Variants in PLG observed in about 807,000 individuals in gnomAD.
The protein encoded by PLG is plasminogen, also known as plasmin.
In PLG, 41 loss-of-function variants were observed where a neutral mutation model predicts 104.4. The ratio of observed to expected loss-of-function variants is 0.39; its 90% confidence interval spans 0.31 to 0.51. The LOEUF (loss-of-function observed/expected upper bound fraction) is 0.51, where lower values mean the gene tolerates loss of function less well. Among genes scored for constraint, PLG ranks in the 20% least tolerant of loss-of-function variants. The pLI is 0.76. For missense variants in PLG, 891 were observed against 1,003.6 expected (o/e 0.89, Z 1.52); for synonymous variants, 337 against 357.1 (o/e 0.94, Z 0.63).
rs971099324 is a variant in PLG, at chr6:160,740,314, C to G, written c.2019-997C>G. ...TGCTCCCCAGTGTCCTCCCCGCCAT[C>G]CCAGCAAATGTGCAAATAGAAGGTC... On this transcript the variant is annotated intron_variant, in intron 16 of 18. Transcript: ENST00000308192. This position sits in a 1 kb window ranked among gnomAD's most constrained non-coding sequence, Gnocchi z 5.2. Among the ~76,000 whole-genome samples the G allele has an allele frequency of 1.1e-4, 16 of 152,218 alleles. No individual in the cohort carries two copies.
In PLG at chr6:160,719,120, G is replaced by A. The variant is rs771534067; in HGVS notation, c.1096+282G>A. 8.5e-5 allele frequency among the ~76,000 whole-genome samples: 13 copies of A among 152,078 alleles called. No individual in the cohort carries two copies. The highest frequency in any genetic ancestry group is 1.6e-4 in the Non-Finnish European group (11 of 68,002). ...GGTCATTTAGGTGAAGTTGGTTGCT[G>A]GTGTTCTTCTGTATCCTTACTGATT... On this transcript the variant is annotated intron_variant, in intron 9 of 18. Transcript: ENST00000308192. The surrounding 1 kb of genome is among the most constrained non-coding windows in gnomAD (Gnocchi z 4.1).
At chr6:160,718,155 G>A (rs1247252121) in intron 7 of PLG, 139 bp from the exon 8 acceptor site, 3 of 730,276 alleles carry the variant, frequency 4.1e-6, no homozygotes, top group Non-Finnish European at 7.3e-6. Flanking sequence ...GGGAGGCTGA[G>A]GCAGGAGAAT....
At chr6:160,729,426 C>T (rs866249847) in intron 10 of PLG, among the ~76,000 whole-genome samples, 10 of 152,252 alleles carry the variant, frequency 6.6e-5, no homozygotes, top group Middle Eastern at 6.8e-3. Flanking sequence ...AAGAGATCTA[C>T]AAGAATATTC....
chr6:160,753,049 G>A lies in PLG; in HGVS notation c.2421G>A (p.Met807Ile), dbSNP rs1160237733. 6.3e-7 allele frequency: 1 copy of A among 1,583,140 alleles called. No homozygotes were observed. The highest frequency in any genetic ancestry group is 8.7e-7 in the Non-Finnish European group (1 of 1,153,786). Residue 807 changes from methionine (M) to isoleucine (I), a missense_variant, in exon 19 of 19, where the codon ATG becomes ATA. Transcript: ENST00000308192. The surrounding 1 kb of genome is among the most constrained non-coding windows in gnomAD (Gnocchi z 5.4). The part of the protein sequence containing the change: ...SRFVTWIEGV[M>I]RNN ...TTGTTACTTGGATTGAGGGAGTGATGAGAAATAATTAATTGGACGGGAGAC... is the reference window on the plus strand; with the variant it reads ...TTGTTACTTGGATTGAGGGAGTGATAAGAAATAATTAATTGGACGGGAGAC...
chr6:160,718,478 T>G (rs1163918580), intron 8 of PLG, 22 bp downstream of exon 8: 1 of 1,581,268 alleles, frequency 6.3e-7, no homozygotes, highest in Admixed American at 1.7e-5. Flanking sequence ...CCGGTCTCAT[T>G]CTGCTGCTAT....
chr6:160,748,408 G>GAAAGAA (rs1778328094), intron 17 of PLG, among the ~76,000 whole-genome samples: 1 of 72,218 alleles, frequency 1.4e-5, no homozygotes, highest in African/African-American at 5.3e-5. Context: ...AAGGAAGAAA[G>GAAAGAA]AAAGAAAGGG....
rs1437808809 is a variant in PLG at position 160,732,646 on chromosome 6, A to G, written c.1587+753A>G. On this transcript the variant is annotated intron_variant, in intron 12 of 18. Transcript: ENST00000308192. The surrounding 1 kb of genome is among the most constrained non-coding windows in gnomAD (Gnocchi z 4.5). ...CAACTGGACAAAAATCTGTTTTTCT[A>G]CTTGATTACTTTGCTAGAGTGGCTC... Among the ~76,000 whole-genome samples, 1 of 152,188 alleles carries G rather than the reference A, an allele frequency of 6.6e-6. No individual in the cohort carries two copies. The highest frequency in any genetic ancestry group is 6.5e-5 in the Admixed American group (1 of 15,280).
chr6:160,716,166 G>T (rs992242592), intron 6 of PLG, among the ~76,000 whole-genome samples: 1 of 152,188 alleles, frequency 6.6e-6, no homozygotes. Context: ...TTTAGGCAGG[G>T]AGCACTTTAC....
intron 17 of PLG, among the ~76,000 whole-genome samples, chr6:160,751,830 A>G (rs550198239): frequency 1.8e-4 from 28 of 152,262 alleles, no homozygotes; most frequent in Non-Finnish European, 3.5e-4. Flanking sequence ...CAGACTCTAC[A>G]TTTTAAACAT....
intron 7 of PLG, among the ~76,000 whole-genome samples, chr6:160,717,580 T>C (rs989631979): frequency 6.6e-6 from 1 of 152,212 alleles, no homozygotes; most frequent in African/African-American, 2.4e-5. Context: ...TCTTTCCCTG[T>C]TGTTTGGCTT....
chr6:160,729,644 A>G (rs758710885), intron 10 of PLG, among the ~76,000 whole-genome samples: 4 of 152,226 alleles, frequency 2.6e-5, no homozygotes, highest in Non-Finnish European at 5.9e-5. Context: ...TACATTCTGT[A>G]TGAGCCCATT....
At position 160,752,027 on chromosome 6, in the gene PLG, G is replaced by C. The variant is rs911528476; in HGVS notation, c.2126-88G>C. On this transcript the variant is annotated intron_variant, in intron 17 of 18. Coordinates refer to ENST00000308192, the MANE Select transcript of PLG (RefSeq NM_000301.5). This position sits in a 1 kb window ranked among gnomAD's most constrained non-coding sequence, Gnocchi z 4.7. ...TCGTGTTCTGCAGCCTCACAGACAG[G>C]AGGTCCAGTGCCGCTGCTCTGTTCT... is the stretch of plus-strand genomic sequence containing the variant. 3 of 1,136,058 alleles carry C rather than the reference G, an allele frequency of 2.6e-6. No individual in the cohort carries two copies. Among genetic ancestry groups the C allele is most frequent in the Admixed American group, 3.4e-5 (2 of 59,242 alleles). 70.4% of individuals were successfully genotyped at this position (1,136,058 alleles called of 1,614,324 possible).
In PLG at chr6:160,718,910, A is replaced by T. The variant is rs2115164138; in HGVS notation, c.1096+72A>T. The T allele has an allele frequency of 2.3e-6, 3 of 1,279,910 alleles. No homozygotes were observed. In the South Asian group the frequency reaches 3.6e-5, roughly 15 times the overall value. 79.3% of individuals were successfully genotyped at this position (1,279,910 alleles called of 1,614,324 possible). A position where few individuals can be genotyped will look rare whatever the true frequency, so the allele number is the denominator to read the frequency against. ...ATTTTTGTATACCAGTGGCATCATCACAATATACAGTAGCTTTGTAAGTTT... is the reference window on the plus strand; with the variant it reads ...ATTTTTGTATACCAGTGGCATCATCTCAATATACAGTAGCTTTGTAAGTTT... On this transcript the variant is annotated intron_variant, in intron 9 of 18. Coordinates refer to ENST00000308192, the MANE Select transcript of PLG (RefSeq NM_000301.5).
chr6:160,710,474 G>A (rs1364485159), intron 3 of PLG, among the ~76,000 whole-genome samples: 1 of 151,960 alleles, frequency 6.6e-6, no homozygotes, highest in Non-Finnish European at 1.5e-5. Context: ...TTAAACACAG[G>A]AGAGGGCCCG....
chr6:160,752,054 G>A lies in PLG; in HGVS notation c.2126-61G>A, dbSNP rs1582955255. On this transcript the variant is annotated intron_variant, in intron 17 of 18. Transcript: ENST00000308192. The surrounding 1 kb of genome is among the most constrained non-coding windows in gnomAD (Gnocchi z 4.7). Reference sequence around the variant, plus strand: ...GGTCCAGTGCCGCTGCTCTGTTCTGGAATATCCTCCTGAATGTGTTTTGGG... The same window carrying A: ...GGTCCAGTGCCGCTGCTCTGTTCTGAAATATCCTCCTGAATGTGTTTTGGG... 1.3e-6 allele frequency: 2 copies of A among 1,493,514 alleles called. No individual in the cohort carries two copies. Among genetic ancestry groups the A allele is most frequent in the East Asian group, 2.3e-5 (1 of 44,250 alleles). 92.5% of individuals were successfully genotyped at this position (1,493,514 alleles called of 1,614,324 possible).
rs1436324775 is a variant in PLG at position 160,745,218 on chromosome 6, G to A, written c.2125+3801G>A. 2.6e-5 allele frequency among the ~76,000 whole-genome samples: 4 copies of A among 152,242 alleles called. No homozygotes were observed. The East Asian group carries it at 7.7e-4, about 29-fold the overall frequency. On this transcript the variant is annotated intron_variant, in intron 17 of 18. Coordinates refer to ENST00000308192, the MANE Select transcript of PLG (RefSeq NM_000301.5). ...TCCTGAATATCTTTGTTAATTTTGT[G>A]CCTCGATGATCTGTCTAATACTGTC...
intron 3 of PLG, chr6:160,708,457 A>G (rs1316436831): frequency 2.0e-5 from 3 of 152,532 alleles, no homozygotes; most frequent in South Asian, 4.1e-4. Context: ...GCCTTTTTAG[A>G]TGTGCAAATG....
rs1448004728 is a variant in PLG, at chr6:160,739,423, TG to T, written c.2018+217del. Among the ~76,000 whole-genome samples, 1 of 152,058 alleles carries T rather than the reference TG, an allele frequency of 6.6e-6. No individual in the cohort carries two copies. Among genetic ancestry groups the T allele is most frequent in the Non-Finnish European group, 1.5e-5 (1 of 68,016 alleles). ...GGCAGCAGGACTCCGTTTTCTCATG[TG>T]GAAAAAGAGTTGAAATGAGGTACTC... On this transcript the variant is annotated intron_variant, in intron 16 of 18. Transcript: ENST00000308192. The surrounding 1 kb of genome is among the most constrained non-coding windows in gnomAD (Gnocchi z 4.4).
chr6:160,731,053 G>A lies in PLG; in HGVS notation c.1259G>A (p.Gly420Asp), dbSNP rs139071351. Residue 420 changes from glycine (G) to aspartate (D), a missense_variant and splice_region_variant, in exon 11 of 19, where the codon GGC becomes GAC. Gly to Asp is a moderately conservative substitution (Grantham distance 94). Coordinates refer to ENST00000308192, the MANE Select transcript of PLG (RefSeq NM_000301.5). This position sits in a 1 kb window ranked among gnomAD's most constrained non-coding sequence, Gnocchi z 5.1. Reference sequence around the variant, plus strand: ...CTGTATTGTTTTGGAATTTCCAGTGGCCTGACAATGAACTACTGCAGGAAT... The same window carrying A: ...CTGTATTGTTTTGGAATTTCCAGTGACCTGACAATGAACTACTGCAGGAAT... ...QKTPENYPNAGLTMNYCRNPD... is the reference protein window; with the variant it reads ...QKTPENYPNADLTMNYCRNPD... The A allele has an allele frequency of 2.3e-3, 3,744 of 1,613,752 alleles. 6 individuals carry two copies. Among genetic ancestry groups the A allele is most frequent in the Middle Eastern group, 5.5e-3 (33 of 6,052 alleles).
Sources: allele counts gnomAD v4.1 joint callset (sites outside exome capture counted in the v4.1 genomes callset), GRCh38; gene constraint gnomAD v4.1.1; non-coding constraint Gnocchi (gnomAD v3.1); transcripts MANE v1.5; gene names NCBI Gene and HGNC (gene_info 2026-07-23, HGNC 2026-07-21).